The following RABEP1 variants were observed in gnomAD, a reference collection of about 807,000 sequenced individuals.
RABEP1 encodes the protein rab GTPase-binding effector protein 1.
In RABEP1, 51 loss-of-function variants were observed where a neutral mutation model predicts 123.4. That is an observed-to-expected ratio of 0.41 (90% confidence interval 0.33 to 0.52). RABEP1 has a LOEUF of 0.52. Ranked by LOEUF, RABEP1 falls within the 20% of genes least tolerant of loss-of-function variation. The pLI is 0.16. For missense variants in RABEP1, 888 were observed against 996.3 expected (o/e 0.89, Z 1.46); for synonymous variants, 347 against 355.2 (o/e 0.98, Z 0.26).
Position 5,331,930 on chromosome 17 carries a change from C to G in RABEP1, c.164-19C>G. ...ATCAAAGTGAACATTAATGGACTAT[C>G]TTTTACTTTTCTCTCCAGAGGATCT... On this transcript the variant is annotated intron_variant, in intron 2 of 17. Coordinates refer to ENST00000537505, the MANE Select transcript of RABEP1 (RefSeq NM_004703.6). 1 of 1,609,476 alleles carries G rather than the reference C, an allele frequency of 6.2e-7. No homozygotes were observed. Among genetic ancestry groups the G allele is most frequent in the Non-Finnish European group, 8.5e-7 (1 of 1,176,004 alleles).
intron 7 of RABEP1, among the ~76,000 whole-genome samples, chr17:5,351,877 G>T (rs187057462): frequency 9.0e-4 from 137 of 152,218 alleles, no homozygotes; most frequent in African/African-American, 3.1e-3. Flanking sequence ...TTGTTCTTGA[G>T]TGTAGATGGA....
At chr17:5,297,514 G>A (rs2075094347) in intron 1 of RABEP1, among the ~76,000 whole-genome samples, 1 of 152,156 alleles carries the variant, frequency 6.6e-6, no homozygotes, top group Non-Finnish European at 1.5e-5. Flanking sequence ...GAACCAGGCA[G>A]GTCAGTGTTT....
intron 6 of RABEP1, among the ~76,000 whole-genome samples, chr17:5,347,238 C>T (rs774861338): frequency 6.6e-6 from 1 of 152,004 alleles, no homozygotes; most frequent in African/African-American, 2.4e-5. Flanking sequence ...GGCGAAAACC[C>T]GTCTCTACTG....
chr17:5,379,503 C>G (rs142346683), intron 15 of RABEP1, among the ~76,000 whole-genome samples: 4 of 152,028 alleles, frequency 2.6e-5, no homozygotes, highest in African/African-American at 9.7e-5. Flanking sequence ...TCTGTTGCCA[C>G]AGTCTTGATC....
rs747127150 is a variant in RABEP1 at position 5,335,289 on chromosome 17, G to T, written c.473G>T (p.Arg158Ile). The T allele has an allele frequency of 6.2e-7, 1 of 1,613,942 alleles. No homozygotes were observed. The highest frequency in any genetic ancestry group is 2.2e-5 in the East Asian group (1 of 44,864). The change falls in exon 4 of 18, where the codon AGA becomes ATA. Residue 158 changes from arginine to isoleucine, a missense_variant. Physicochemically the swap from Arg to Ile is moderately conservative, Grantham distance 97. Coordinates refer to ENST00000537505, the MANE Select transcript of RABEP1 (RefSeq NM_004703.6). The stretch of plus-strand genomic sequence containing the variant: ...GCAGAGAGGGAAATAGCTGATTTAA[G>T]AAGAAGGCTGTCTGAAGGTCAAGAG... ...ESAEREIADL[R>I]RRLSEGQEEE... is the part of the protein sequence containing the mutation.
At chr17:5,336,705 C>G in intron 4 of RABEP1, 1 of 244,094 alleles carries the variant, frequency 4.1e-6, no homozygotes, top group Non-Finnish European at 8.1e-6. Context: ...TTTGCTTCCT[C>G]CCTCCTTTTT....
chr17:5,342,206 A>C (rs931482884), intron 5 of RABEP1, among the ~76,000 whole-genome samples: 2 of 152,124 alleles, frequency 1.3e-5, no homozygotes, highest in Non-Finnish European at 2.9e-5. Context: ...GATTGATCCT[A>C]TTCACAAGAG....
chr17:5,325,241 C>T (rs140695771), intron 2 of RABEP1, among the ~76,000 whole-genome samples: 4,446 of 152,130 alleles, frequency 0.029, 74 homozygotes, highest in Middle Eastern at 0.065. Context: ...GAAGCTGAGG[C>T]AGGAGAATCG....
intron 1 of RABEP1, among the ~76,000 whole-genome samples, chr17:5,302,472 C>A (rs1246963938): frequency 1.3e-5 from 2 of 151,958 alleles, no homozygotes; most frequent in Non-Finnish European, 1.5e-5. Context: ...AACTCCTGAC[C>A]TCAGGCGATC....
intron 1 of RABEP1, among the ~76,000 whole-genome samples, chr17:5,288,656 A>C (rs756218631): frequency 2.6e-5 from 4 of 152,116 alleles, no homozygotes; most frequent in Non-Finnish European, 5.9e-5. Flanking sequence ...TGGCCTCCCA[A>C]AGTGCTGGGA....
intron 1 of RABEP1, among the ~76,000 whole-genome samples, chr17:5,293,118 C>T (rs567461263): frequency 1.6e-4 from 25 of 152,194 alleles, no homozygotes; most frequent in African/African-American, 5.8e-4. Flanking sequence ...GAAACCCCGT[C>T]TCTACTAAAC....
intron 4 of RABEP1, among the ~76,000 whole-genome samples, chr17:5,335,838 C>T (rs1377773413): frequency 6.6e-6 from 1 of 151,954 alleles, no homozygotes; most frequent in Non-Finnish European, 1.5e-5. Flanking sequence ...TCCTAAATGC[C>T]TAGCATAGTG....
intron 17 of RABEP1, among the ~76,000 whole-genome samples, chr17:5,382,055 C>A (rs1911513638): frequency 6.7e-6 from 1 of 150,272 alleles, no homozygotes; most frequent in African/African-American, 2.5e-5. Flanking sequence ...TGTGCTAAAA[C>A]TAAGTTTTTT....
chr17:5,384,014 CTT>C lies in RABEP1; in HGVS notation c.*794_*795del, dbSNP rs1911731077. On this transcript the variant is annotated 3_prime_UTR_variant, in exon 18 of 18. Coordinates refer to ENST00000537505, the MANE Select transcript of RABEP1 (RefSeq NM_004703.6). Reference sequence around the variant, plus strand: ...TAAAGCCGAACTGGTACCATCTACTCTTTTGAAGTGTTTTAGTCTAGTTATTG... The same window carrying C: ...TAAAGCCGAACTGGTACCATCTACTCTTGAAGTGTTTTAGTCTAGTTATTG... The C allele has an allele frequency of 4.6e-6, 1 of 219,150 alleles. No homozygotes were observed. Among genetic ancestry groups the C allele is most frequent in the Non-Finnish European group, 9.2e-6 (1 of 109,170 alleles). 13.6% of individuals were successfully genotyped at this position (219,150 alleles called of 1,614,324 possible).
At position 5,282,476 on chromosome 17, in the gene RABEP1, G is replaced by A. The variant is rs1308565125; in HGVS notation, c.-11G>A. On this transcript the variant is annotated 5_prime_UTR_variant, in exon 1 of 18. Coordinates refer to ENST00000537505, the MANE Select transcript of RABEP1 (RefSeq NM_004703.6). Reference sequence around the variant, plus strand: ...CGCCCATCCCCGCTCCCCGAGGCCGGCCGCCTGGTCATGGCGCAGCCGGGC... The same window carrying A: ...CGCCCATCCCCGCTCCCCGAGGCCGACCGCCTGGTCATGGCGCAGCCGGGC... 3 of 1,341,598 alleles carry A rather than the reference G, an allele frequency of 2.2e-6. No individual in the cohort carries two copies. Among genetic ancestry groups the A allele is most frequent in the Admixed American group, 2.9e-5 (1 of 34,048 alleles). The allele number at this position is 1,341,598 out of a possible 1,614,324, so 83.1% of individuals were successfully genotyped here.
chr17:5,300,448 ATCAG>A (rs1360095600), intron 1 of RABEP1, among the ~76,000 whole-genome samples: 2 of 152,228 alleles, frequency 1.3e-5, no homozygotes, highest in East Asian at 1.9e-4. Context: ...TACATGGCTT[ATCAG>A]TGATGTGTAG....
intron 5 of RABEP1, among the ~76,000 whole-genome samples, chr17:5,344,798 A>T (rs1003953354): frequency 7.3e-6 from 1 of 136,966 alleles, no homozygotes; most frequent in Non-Finnish European, 1.6e-5. Context: ...AAAAAAAAGG[A>T]AAAACAGGTA....
Position 5,292,448 on chromosome 17 carries a change from C to T in RABEP1, c.34+9928C>T, listed in dbSNP as rs556238924. ...TCGTTACCAGGCTGTAGTGCAGTGG[C>T]GCGATCTTGGCTCACTGCTACCTCC... On this transcript the variant is annotated intron_variant, in intron 1 of 17. Coordinates refer to ENST00000537505, the MANE Select transcript of RABEP1 (RefSeq NM_004703.6). Among the ~76,000 whole-genome samples the T allele has an allele frequency of 1.5e-4, 23 of 151,880 alleles. No homozygotes were observed. In the South Asian group the frequency reaches 2.7e-3, roughly 18 times the overall value.
At chr17:5,346,744 G>A (rs1288156974) in intron 5 of RABEP1, 46 bp from the exon 6 acceptor site, 1 of 1,436,570 alleles carries the variant, frequency 7.0e-7, no homozygotes, top group Non-Finnish European at 9.3e-7. Context: ...ATCTAAGATA[G>A]AAACTGTTGT....
Sources: allele counts gnomAD v4.1 joint callset (sites outside exome capture counted in the v4.1 genomes callset), GRCh38; gene constraint gnomAD v4.1.1; transcripts MANE v1.5; gene names NCBI Gene and HGNC (gene_info 2026-07-23, HGNC 2026-07-21).